The following TMEM151B variants were observed in gnomAD, a reference collection of about 807,000 sequenced individuals.
TMEM151B encodes transmembrane protein 193.
Under a neutral mutation model 33.0 loss-of-function variants are expected in TMEM151B, and 18 were observed. The ratio of observed to expected loss-of-function variants is 0.55; its 90% CI spans 0.38 to 0.81. The LOEUF is 0.81. Among genes scored for constraint, TMEM151B ranks in the 30% least tolerant of loss-of-function variants. The pLI, the probability that TMEM151B is intolerant of heterozygous loss-of-function variation, is 0.00. For missense variants in TMEM151B, 672 were observed against 843.4 expected (o/e 0.80, Z 2.52); for synonymous variants, 354 against 373.6 (o/e 0.95, Z 0.61).
chr6:44,276,232 G>T lies in TMEM151B; in HGVS notation c.1406G>T (p.Cys469Phe). The T allele has an allele frequency of 1.5e-6, 2 of 1,296,064 alleles. No individual in the cohort carries two copies. Among genetic ancestry groups the T allele is most frequent in the Non-Finnish European group, 9.8e-7 (1 of 1,025,580 alleles). The allele number at this position is 1,296,064 out of a possible 1,614,324, so 80.3% of individuals were successfully genotyped here. Residue 469 changes from cysteine to phenylalanine, a missense_variant, in exon 3 of 3, where the codon TGC becomes TTC. Transcript: ENST00000451188. ...CCGGGGCCCGGTGGGGGCGCGGGCT[G>T]CGGGGGCAGCCGCTTCTCGCTGGGC... ...AGPGPGGGAGCGGSRFSLGRL... is the reference protein window; with the variant it reads ...AGPGPGGGAGFGGSRFSLGRL...
Position 44,271,678 on chromosome 6 carries a change from C to G in TMEM151B, c.135+801C>G, listed in dbSNP as rs1400834833. On this transcript the variant is annotated intron_variant, in intron 1 of 2. Coordinates refer to ENST00000451188, the MANE Select transcript of TMEM151B (RefSeq NM_001137560.2). ...TCATACCTCCTAAGGACAAGGCTCC[C>G]CGAAAGGCACATGTACCCTAATCTC... is the stretch of plus-strand genomic sequence containing the variant. 2.0e-5 allele frequency among the ~76,000 whole-genome samples: 3 copies of G among 152,230 alleles called. No homozygotes were observed. The East Asian group carries it at 5.8e-4, about 29-fold the overall frequency.
In TMEM151B at chr6:44,276,062, G is replaced by C. The variant is rs1055602312; in HGVS notation, c.1236G>C (p.Ser412=). Residue 412 remains serine (S), a synonymous_variant, in exon 3 of 3, where the codon TCG becomes TCC. Transcript: ENST00000451188. ...CGGAGGGYAP[S]CRYGGVGGPG... is the part of the protein sequence containing the mutation. ...GGGCAGGCGGCGGCTACGCGCCCTC[G>C]TGCCGCTACGGTGGGGTAGGCGGCC... The C allele has an allele frequency of 9.7e-5, 130 of 1,342,500 alleles. No homozygotes were observed. In the East Asian group the frequency reaches 3.7e-3, roughly 38 times the overall value. The allele number at this position is 1,342,500 out of a possible 1,614,324, so 83.2% of individuals were successfully genotyped here.
chr6:44,274,201 A>T (rs1457453409), intron 2 of TMEM151B, among the ~76,000 whole-genome samples: 1 of 152,232 alleles, frequency 6.6e-6, no homozygotes, highest in East Asian at 1.9e-4. Flanking sequence ...TCAAAAAAAA[A>T]AATAAAAATA....
rs35554649 is a variant in TMEM151B, at chr6:44,271,369, G to GTGTGT, written c.135+492_135+493insTGTGT. ...ATTGGGAGTGTGTGTGTGTGTGTGT[G>GTGTGT]GGGGGGGGTGTGCACCTCTCTCTCA... is the stretch of plus-strand genomic sequence containing the variant. On this transcript the variant is annotated intron_variant, in intron 1 of 2. Transcript: ENST00000451188. Among the ~76,000 whole-genome samples the GTGTGT allele has an allele frequency of 7.4e-3, 206 of 28,008 alleles. 13 individuals carry two copies. Among genetic ancestry groups the GTGTGT allele is most frequent in the Middle Eastern group, 0.032 (2 of 62 alleles). 18.4% of individuals were successfully genotyped at this position (28,008 alleles called of 152,430 possible). A position where few individuals can be genotyped will look rare whatever the true frequency, so the allele number is the denominator to read the frequency against.
chr6:44,275,884 AGCT>A lies in TMEM151B; in HGVS notation c.1064_1066del (p.Leu355del), dbSNP rs1782565068. ...GGCGGTGGCCTCAGCCCCAGCGATG[AGCT>A]GCTGCCCCCGCTCACCCACCGCCTG... On this transcript the variant is annotated inframe_deletion, in exon 3 of 3. Transcript: ENST00000451188. 6.5e-7 allele frequency: 1 copy of A among 1,536,872 alleles called. No homozygotes were observed.
Position 44,276,176 on chromosome 6 carries a change from C to G in TMEM151B, c.1350C>G (p.Ala450=). 3.1e-6 allele frequency: 4 copies of G among 1,303,318 alleles called. No individual in the cohort carries two copies. Among genetic ancestry groups the G allele is most frequent in the Non-Finnish European group, 3.9e-6 (4 of 1,032,358 alleles). The allele number at this position is 1,303,318 out of a possible 1,614,324, so 80.7% of individuals were successfully genotyped here. The change falls in exon 3 of 3, where the codon GCC becomes GCG. Residue 450 remains alanine, a synonymous_variant. Coordinates refer to ENST00000451188, the MANE Select transcript of TMEM151B (RefSeq NM_001137560.2). ...VSSSSIFSRS[A]LSICASPRAG... The stretch of plus-strand genomic sequence containing the variant: ...GCTCGTCTATCTTCTCGCGCAGCGC[C>G]CTAAGCATCTGCGCCAGCCCGCGGG...
chr6:44,276,334 A>G lies in TMEM151B; in HGVS notation c.1508A>G (p.Glu503Gly). The G allele has an allele frequency of 2.0e-6, 3 of 1,487,236 alleles. No individual in the cohort carries two copies. The highest frequency in any genetic ancestry group is 2.7e-6 in the Non-Finnish European group (3 of 1,122,484). 92.1% of individuals were successfully genotyped at this position (1,487,236 alleles called of 1,614,324 possible). Residue 503 changes from glutamate to glycine, a missense_variant, in exon 3 of 3, where the codon GAG becomes GGG. This residue lies in a region of TMEM151B where 324 missense variants were observed against 363.1 expected (regional missense o/e 0.89). Transcript: ENST00000451188. ...GSVNEASCPTEQTRLSSQASM... is the reference protein window; with the variant it reads ...GSVNEASCPTGQTRLSSQASM... ...GTCAACGAGGCCAGCTGCCCCACGG[A>G]GCAGACGCGGCTGTCCAGCCAGGCC...
At position 44,275,575 on chromosome 6, in the gene TMEM151B, T is replaced by G. The variant is rs1490261334; in HGVS notation, c.749T>G (p.Leu250Arg). The G allele has an allele frequency of 1.1e-5, 17 of 1,550,804 alleles. No homozygotes were observed. The highest frequency in any genetic ancestry group is 1.5e-5 in the Non-Finnish European group (17 of 1,146,682). The change falls in exon 3 of 3, where the codon CTG becomes CGG. Residue 250 changes from leucine (L) to arginine (R), a missense_variant. Physicochemically the swap from Leu to Arg is moderately radical, Grantham distance 102 (BLOSUM62 -2). Transcript: ENST00000451188. ...FASVEAENAY[L>R]CQRARFFAEN... ...AGCGTGGAGGCCGAGAACGCGTACC[T>G]GTGCCAGCGCGCGCGCTTCTTCGCA...
At position 44,276,086 on chromosome 6, in the gene TMEM151B, C is replaced by T. The variant is rs1251143803; in HGVS notation, c.1260C>T (p.Gly420=). 7.6e-7 allele frequency: 1 copy of T among 1,322,552 alleles called. No homozygotes were observed. The highest frequency in any genetic ancestry group is 9.6e-7 in the Non-Finnish European group (1 of 1,044,808). The allele number at this position is 1,322,552 out of a possible 1,614,324, so 81.9% of individuals were successfully genotyped here. The change falls in exon 3 of 3, where the codon GGC becomes GGT. Residue 420 remains glycine (G), a synonymous_variant. Transcript: ENST00000451188. ...CGTGCCGCTACGGTGGGGTAGGCGG[C>T]CCGGGCGCGGCGGGCGTGGCTCCCT... ...APSCRYGGVG[G]PGAAGVAPYR...
At chr6:44,273,572 C>T in intron 2 of TMEM151B, 66 bp downstream of exon 2, 1 of 1,468,144 alleles carries the variant, frequency 6.8e-7, no homozygotes. Flanking sequence ...CTGCCTCACT[C>T]CCTCCCCACC....
chr6:44,273,508 T>C lies in TMEM151B; in HGVS notation c.576+2T>C. 2.6e-6 allele frequency: 4 copies of C among 1,537,216 alleles called. No homozygotes were observed. The highest frequency in any genetic ancestry group is 3.5e-6 in the Non-Finnish European group (4 of 1,136,638). ...GGAGACGCCTATACCACCACCCAGG[T>C]GAGGAGCTGGTGGGGAGTGCAGGAC... On this transcript the variant is annotated splice_donor_variant, in intron 2 of 2. Coordinates refer to ENST00000451188, the MANE Select transcript of TMEM151B (RefSeq NM_001137560.2). LOFTEE classifies it high-confidence loss of function.
Position 44,276,776 on chromosome 6 carries a change from C to T in TMEM151B, c.*249C>T, listed in dbSNP as rs1782608370. ...CCCTGGCAGAGTCATTCTTCCAGCCCCAACCCTGAGTTCCTAAAGGGACAC... is the reference window on the plus strand; with the variant it reads ...CCCTGGCAGAGTCATTCTTCCAGCCTCAACCCTGAGTTCCTAAAGGGACAC... On this transcript the variant is annotated 3_prime_UTR_variant, in exon 3 of 3. Coordinates refer to ENST00000451188, the MANE Select transcript of TMEM151B (RefSeq NM_001137560.2). 1.4e-6 allele frequency: 1 copy of T among 716,002 alleles called. No homozygotes were observed. Among genetic ancestry groups the T allele is most frequent in the African/African-American group, 1.8e-5 (1 of 54,554 alleles). The allele number at this position is 716,002 out of a possible 1,614,324, so 44.4% of individuals were successfully genotyped here.
At chr6:44,273,041 C>T (rs1356689942) in intron 1 of TMEM151B, 25 bp from the exon 2 acceptor site, 1 of 1,471,280 alleles carries the variant, frequency 6.8e-7, no homozygotes, top group Non-Finnish European at 9.0e-7. Flanking sequence ...CTCATCTTGG[C>T]CCCTCTCCCT....
chr6:44,276,084 G>C lies in TMEM151B; in HGVS notation c.1258G>C (p.Gly420Arg), dbSNP rs1049270575. Residue 420 changes from glycine to arginine, a missense_variant, in exon 3 of 3, where the codon GGC becomes CGC. Physicochemically the swap from Gly to Arg is moderately radical, Grantham distance 125. Coordinates refer to ENST00000451188, the MANE Select transcript of TMEM151B (RefSeq NM_001137560.2). ...APSCRYGGVG[G>R]PGAAGVAPYR... ...CTCGTGCCGCTACGGTGGGGTAGGC[G>C]GCCCGGGCGCGGCGGGCGTGGCTCC... 3.8e-6 allele frequency: 5 copies of C among 1,322,822 alleles called. No individual in the cohort carries two copies. Among genetic ancestry groups the C allele is most frequent in the Non-Finnish European group, 3.8e-6 (4 of 1,045,032 alleles). The allele number at this position is 1,322,822 out of a possible 1,614,324, so 81.9% of individuals were successfully genotyped here.
intron 1 of TMEM151B, among the ~76,000 whole-genome samples, chr6:44,271,366 TGTGG>T (rs1201004052): frequency 5.8e-5 from 2 of 34,652 alleles, no homozygotes; most frequent in East Asian, 1.3e-3. Context: ...TGTGTGTGTG[TGTGG>T]GGGGGGGTGT....
Position 44,276,181 on chromosome 6 carries a change from G to A in TMEM151B, c.1355G>A (p.Ser452Asn). ...TCTATCTTCTCGCGCAGCGCCCTAA[G>A]CATCTGCGCCAGCCCGCGGGCCGGC... ...SSSIFSRSALSICASPRAGPG... is the reference protein window; with the variant it reads ...SSSIFSRSALNICASPRAGPG... The change falls in exon 3 of 3, where the codon AGC becomes AAC. Residue 452 changes from serine (S) to asparagine (N), a missense_variant. Ser to Asn is a conservative substitution (Grantham distance 46). Transcript: ENST00000451188. 7.7e-7 allele frequency: 1 copy of A among 1,298,898 alleles called. No individual in the cohort carries two copies. The allele number at this position is 1,298,898 out of a possible 1,614,324, so 80.5% of individuals were successfully genotyped here. A position where few individuals can be genotyped will look rare whatever the true frequency, so the allele number is the denominator to read the frequency against.
At chr6:44,271,369 G>GT (rs35554649) in intron 1 of TMEM151B, among the ~76,000 whole-genome samples, 2,099 of 27,968 alleles carry the variant, frequency 0.075, 231 homozygotes, top group African/African-American at 0.15. Context: ...GTGTGTGTGT[G>GT]GGGGGGGGTG....
Position 44,276,215 on chromosome 6 carries a change from C to G in TMEM151B, c.1389C>G (p.Pro463=), listed in dbSNP as rs995308643. 1.5e-6 allele frequency: 2 copies of G among 1,291,024 alleles called. No homozygotes were observed. Among genetic ancestry groups the G allele is most frequent in the South Asian group, 2.5e-5 (1 of 40,130 alleles). The allele number at this position is 1,291,024 out of a possible 1,614,324, so 80.0% of individuals were successfully genotyped here. A position where few individuals can be genotyped will look rare whatever the true frequency, so the allele number is the denominator to read the frequency against. ...CCAGCCCGCGGGCCGGCCCGGGGCC[C>G]GGTGGGGGCGCGGGCTGCGGGGGCA... The part of the protein sequence containing the change: ...ICASPRAGPG[P]GGGAGCGGSR... The change falls in exon 3 of 3, where the codon CCC becomes CCG. Residue 463 remains proline, a synonymous_variant. Transcript: ENST00000451188.
Position 44,276,658 on chromosome 6 carries a change from C to G in TMEM151B, c.*131C>G, listed in dbSNP as rs1321794504. The G allele has an allele frequency of 2.4e-6, 3 of 1,275,630 alleles. No homozygotes were observed. The African/African-American group carries it at 4.6e-5, about 20-fold the overall frequency. 79.0% of individuals were successfully genotyped at this position (1,275,630 alleles called of 1,614,324 possible). Reference sequence around the variant, plus strand: ...GGGGCAGGGAAAGGGAGGTGAGGGCCGCAAGACAGGCCCGGATGGGGCCGA... The same window carrying G: ...GGGGCAGGGAAAGGGAGGTGAGGGCGGCAAGACAGGCCCGGATGGGGCCGA... On this transcript the variant is annotated 3_prime_UTR_variant, in exon 3 of 3. Transcript: ENST00000451188.
Sources: gnomAD v4.1 joint callset for allele counts (sites outside exome capture counted in the v4.1 genomes callset) on GRCh38, gnomAD v4.1.1 for gene constraint, gnomAD v4.1.1 regional missense constraint, MANE v1.5 for transcripts, NCBI Gene and HGNC (gene_info 2026-07-23, HGNC 2026-07-21) for gene names.